PCYT1A: variants seen among roughly 807,000 people sequenced by gnomAD.
The protein encoded by PCYT1A is choline-phosphate cytidylyltransferase A.
A neutral mutation model predicts 43.7 loss-of-function variants in PCYT1A; 25 were observed. That is an observed-to-expected ratio of 0.57 (90% CI 0.42 to 0.80). PCYT1A has a LOEUF of 0.80. PCYT1A is among the 30% of genes least tolerant of loss of function. The pLI, the probability that PCYT1A is intolerant of heterozygous loss-of-function variation, is 0.00. For missense variants in PCYT1A, 421 were observed against 474.2 expected, an observed-to-expected ratio of 0.89 and a Z score of 1.04; for synonymous variants, 172 against 170.7, an observed-to-expected ratio of 1.01 and a Z score of -0.06.
intron 3 of PCYT1A, chr3:196,250,418 A>G: frequency 5.5e-6 from 1 of 181,570 alleles, no homozygotes; most frequent in Non-Finnish European, 1.1e-5. Context: ...GAGGCTGAGG[A>G]TCAGATACAC....
intron 2 of PCYT1A, 60 bp downstream of exon 2, chr3:196,270,355 T>G (rs887993115): frequency 2.1e-6 from 2 of 974,540 alleles, no homozygotes; most frequent in African/African-American, 3.2e-5. Flanking sequence ...CATGTAACAC[T>G]GATATCATCA....
In PCYT1A at chr3:196,247,696, A is replaced by G; in HGVS notation, c.335-178T>C. 1.4e-6 allele frequency: 1 copy of G among 702,820 alleles called. No homozygotes were observed. Among genetic ancestry groups the G allele is most frequent in the Admixed American group, 2.0e-5 (1 of 49,800 alleles). The allele number at this position is 702,820 out of a possible 1,614,324, so 43.5% of individuals were successfully genotyped here. A position where few individuals can be genotyped will look rare whatever the true frequency, so the allele number is the denominator to read the frequency against. On this transcript the variant is annotated intron_variant, in intron 4 of 8. Coordinates refer to ENST00000431016, the MANE Select transcript of PCYT1A (RefSeq NM_001312673.2). The surrounding 1 kb of genome is among the most constrained non-coding windows in gnomAD (Gnocchi z 4.8). ...TAACGCTTTTCCTAATGCAGCGTAT[A>G]CCTTCAGGAGCAACACTCACTAAAC...
At chr3:196,241,723 T>A in intron 7 of PCYT1A, 1 of 1,362,604 alleles carries the variant, frequency 7.3e-7, no homozygotes, top group Non-Finnish European at 1.0e-6. Context: ...ACTCATTTAT[T>A]TAGTTGGCTG....
chr3:196,262,683 G>C (rs760760903), intron 2 of PCYT1A, among the ~76,000 whole-genome samples: 23 of 151,782 alleles, frequency 1.5e-4, no homozygotes, highest in Admixed American at 1.3e-4. Context: ...GTGAAAACAA[G>C]AGATTCTGGC....
chr3:196,281,595 A>C (rs1305891850), intron 1 of PCYT1A, among the ~76,000 whole-genome samples: 1 of 152,176 alleles, frequency 6.6e-6, no homozygotes, highest in African/African-American at 2.4e-5. Context: ...TGCAAACCCT[A>C]AACTATTTAC....
intron 3 of PCYT1A, among the ~76,000 whole-genome samples, chr3:196,253,469 T>TACAA (rs1186076512): frequency 6.6e-6 from 1 of 152,098 alleles, no homozygotes; most frequent in Non-Finnish European, 1.5e-5. Flanking sequence ...GGATAGAATA[T>TACAA]ACAAATGAAG....
intron 1 of PCYT1A, among the ~76,000 whole-genome samples, chr3:196,271,650 A>G (rs1318584255): frequency 5.8e-4 from 75 of 129,596 alleles, no homozygotes; most frequent in Middle Eastern, 3.8e-3. Flanking sequence ...CCCTGGCTAG[A>G]GTGCAGTGGC....
chr3:196,252,179 T>TGGCTACAGTGC lies in PCYT1A; in HGVS notation c.218-3857_218-3856insGCACTGTAGCC, dbSNP rs1724825286. Among the ~76,000 whole-genome samples, 1 of 150,222 alleles carries TGGCTACAGTGC rather than the reference T, an allele frequency of 6.7e-6. No homozygotes were observed. Among genetic ancestry groups the TGGCTACAGTGC allele is most frequent in the African/African-American group, 2.5e-5 (1 of 39,628 alleles). The stretch of plus-strand genomic sequence containing the variant: ...CCCCACTGGCTACAGCGCACACCAC[T>TGGCTACAGTGC]ACGCTCAGCTGATTTTTGTATTTTT... On this transcript the variant is annotated intron_variant, in intron 3 of 8. Transcript: ENST00000431016. The surrounding 1 kb of genome is among the most constrained non-coding windows in gnomAD (Gnocchi z 4.0).
chr3:196,248,871 C>T (rs565970744), intron 3 of PCYT1A, among the ~76,000 whole-genome samples: 1 of 152,080 alleles, frequency 6.6e-6, no homozygotes, highest in African/African-American at 2.4e-5. Context: ...ACTCTCCTGC[C>T]TCCGCCTCCT....
rs1481665529 is a variant in PCYT1A at position 196,273,495 on chromosome 3, G to A, written c.-10-2954C>T. 1.3e-5 allele frequency among the ~76,000 whole-genome samples: 2 copies of A among 152,202 alleles called. No homozygotes were observed. Among genetic ancestry groups the A allele is most frequent in the African/African-American group, 4.8e-5 (2 of 41,460 alleles). On this transcript the variant is annotated intron_variant, in intron 1 of 8. Transcript: ENST00000431016. This position sits in a 1 kb window ranked among gnomAD's most constrained non-coding sequence, Gnocchi z 4.1. Reference sequence around the variant, plus strand: ...AGGTGCTTTATTGAGCAACACAACAGCCCTCAGGAGACCCCAAGCGGGTAG... The same window carrying A: ...AGGTGCTTTATTGAGCAACACAACAACCCTCAGGAGACCCCAAGCGGGTAG...
chr3:196,278,655 G>A (rs1725662137), intron 1 of PCYT1A, among the ~76,000 whole-genome samples: 1 of 152,106 alleles, frequency 6.6e-6, no homozygotes, highest in African/African-American at 2.4e-5. Flanking sequence ...TTTGTTTAGT[G>A]GTTCATCCTC....
In PCYT1A at chr3:196,235,126, A is replaced by T. The variant is rs1019845296; in HGVS notation, c.*3562T>A. 6.6e-6 allele frequency: 1 copy of T among 152,228 alleles called. No homozygotes were observed. The highest frequency in any genetic ancestry group is 1.5e-5 in the Non-Finnish European group (1 of 68,046). 9.4% of individuals were successfully genotyped at this position (152,228 alleles called of 1,614,324 possible). ...TGGATAAGTGATCTGGAACAGGATT[A>T]AAAAGGCAAAGAGCTCTTGAAAATA... is the stretch of plus-strand genomic sequence containing the variant. On this transcript the variant is annotated 3_prime_UTR_variant, in exon 9 of 9. Coordinates refer to ENST00000431016, the MANE Select transcript of PCYT1A (RefSeq NM_001312673.2). The surrounding 1 kb of genome is among the most constrained non-coding windows in gnomAD (Gnocchi z 4.3).
Position 196,270,530 on chromosome 3 carries a change from ATCT to A in PCYT1A, c.-2_1del. ...GACCTTGGCTGAACACTGTGCATCC[ATCT>A]TCTTTTAACTGGTCATAGAAAGTGA... On this transcript the variant is annotated start_lost and start_retained_variant and 5_prime_UTR_variant, in exon 2 of 9. Transcript: ENST00000431016. 6.2e-7 allele frequency: 1 copy of A among 1,611,140 alleles called. No homozygotes were observed. Among genetic ancestry groups the A allele is most frequent in the Non-Finnish European group, 8.5e-7 (1 of 1,177,318 alleles).
intron 1 of PCYT1A, among the ~76,000 whole-genome samples, chr3:196,276,023 G>C (rs984112987): frequency 1.3e-5 from 2 of 151,564 alleles, no homozygotes; most frequent in Admixed American, 6.6e-5. Flanking sequence ...TGTGAACCCG[G>C]GAGGCAGAGC....
chr3:196,286,249 T>C (rs1456072036), intron 1 of PCYT1A, among the ~76,000 whole-genome samples: 1 of 152,036 alleles, frequency 6.6e-6, no homozygotes, highest in Non-Finnish European at 1.5e-5. Context: ...TTCAATATAA[T>C]TTCTGGTTCT....
chr3:196,259,058 C>T (rs1725030765), intron 2 of PCYT1A, among the ~76,000 whole-genome samples: 1 of 152,140 alleles, frequency 6.6e-6, no homozygotes, highest in Non-Finnish European at 1.5e-5. Flanking sequence ...CACTCTGTCA[C>T]CGAGGCTAGA....
chr3:196,265,199 G>T, intron 2 of PCYT1A, among the ~76,000 whole-genome samples: 1 of 151,864 alleles, frequency 6.6e-6, no homozygotes, highest in East Asian at 1.9e-4. Flanking sequence ...GAGTAGCTGG[G>T]ATTACAGGCG....
chr3:196,267,224 C>A, intron 2 of PCYT1A: 1 of 413,340 alleles, frequency 2.4e-6, no homozygotes, highest in Admixed American at 2.8e-5. Flanking sequence ...TGTTGCAGTA[C>A]GAATGAATCT....
chr3:196,277,830 G>A lies in PCYT1A; in HGVS notation c.-10-7289C>T, dbSNP rs1377366332. Among the ~76,000 whole-genome samples, 1 of 152,128 alleles carries A rather than the reference G, an allele frequency of 6.6e-6. No homozygotes were observed. The highest frequency in any genetic ancestry group is 1.5e-5 in the Non-Finnish European group (1 of 68,024). On this transcript the variant is annotated intron_variant, in intron 1 of 8. Transcript: ENST00000431016. This position sits in a 1 kb window ranked among gnomAD's most constrained non-coding sequence, Gnocchi z 4.1. ...AGGTTGCAGTGAGCCTAAATCGCAC[G>A]CCACTGCGCTCCAGCCTGGGCGACA...
Sources: allele counts gnomAD v4.1 joint callset (sites outside exome capture counted in the v4.1 genomes callset), GRCh38; gene constraint gnomAD v4.1.1; non-coding constraint Gnocchi (gnomAD v3.1); transcripts MANE v1.5; gene names NCBI Gene and HGNC (gene_info 2026-07-23, HGNC 2026-07-21).